Variants in RORA observed in about 807,000 individuals in gnomAD.
RORA encodes the protein nuclear receptor ROR-alpha.
A neutral mutation model predicts 69.5 loss-of-function variants in RORA; 7 were observed. The ratio of observed to expected loss-of-function variants is 0.10; its 90% CI spans 0.06 to 0.19. The LOEUF (loss-of-function observed/expected upper bound fraction) is 0.19, where lower values mean the gene tolerates loss of function less well. RORA is among the 10% of genes least tolerant of loss of function. RORA has a pLI of 1.00. For synonymous variants in RORA, 261 were observed against 240.8 expected (o/e 1.08, Z -0.78); for missense variants, 457 against 663.0 (o/e 0.69, Z 3.41).
intron 1 of RORA, among the ~76,000 whole-genome samples, chr15:60,883,354 A>G: frequency 6.6e-6 from 1 of 152,316 alleles, no homozygotes; most frequent in East Asian, 1.9e-4. Context: ...TTAAATATCT[A>G]AAATATGGCT....
intron 2 of RORA, among the ~76,000 whole-genome samples, chr15:60,542,265 T>C (rs963535743): frequency 4.4e-4 from 67 of 152,134 alleles, no homozygotes; most frequent in African/African-American, 1.5e-3. Context: ...GAGCTCAGAA[T>C]AGCAGGTCCT....
At chr15:60,563,122 G>A (rs1389349683) in intron 2 of RORA, among the ~76,000 whole-genome samples, 1 of 152,178 alleles carries the variant, frequency 6.6e-6, no homozygotes, top group Admixed American at 6.5e-5. Flanking sequence ...TGAACACGGA[G>A]TCAGTCTACC....
At chr15:60,977,241 G>C (rs979986698) in intron 1 of RORA, among the ~76,000 whole-genome samples, 1 of 152,070 alleles carries the variant, frequency 6.6e-6, no homozygotes, top group Non-Finnish European at 1.5e-5. Flanking sequence ...CTGGTGGGGA[G>C]GGGGTCGTAA....
At chr15:61,146,565 G>A (rs72739558) in intron 1 of RORA, among the ~76,000 whole-genome samples, 22,534 of 151,910 alleles carry the variant, frequency 0.15, 1,838 homozygotes, top group Non-Finnish European at 0.18. Context: ...TATGCTTTTT[G>A]TGCATTTACA....
intron 2 of RORA, among the ~76,000 whole-genome samples, chr15:60,538,988 A>G (rs1325616587): frequency 9.2e-6 from 1 of 108,236 alleles, no homozygotes; most frequent in African/African-American, 3.7e-5. Context: ...TGTTGAGTAT[A>G]CCTGCCAAAT....
chr15:61,224,486 G>C (rs1435842167), intron 1 of RORA, among the ~76,000 whole-genome samples: 1 of 152,188 alleles, frequency 6.6e-6, no homozygotes. Flanking sequence ...GAAAGGAAGA[G>C]TAAACTCAGA....
At chr15:60,859,347 G>A (rs1239562904) in intron 1 of RORA, among the ~76,000 whole-genome samples, 1 of 152,164 alleles carries the variant, frequency 6.6e-6, no homozygotes, top group East Asian at 1.9e-4. Flanking sequence ...GCAACTCAAA[G>A]TGTGGCTTAT....
intron 1 of RORA, among the ~76,000 whole-genome samples, chr15:60,999,230 T>A (rs17204770): frequency 1.3e-5 from 2 of 151,892 alleles, no homozygotes; most frequent in African/African-American, 2.4e-5. Context: ...AACATCCTCA[T>A]CGTTTGATAG....
At chr15:61,215,648 ATG>A (rs752061557) in intron 1 of RORA, among the ~76,000 whole-genome samples, 1 of 152,220 alleles carries the variant, frequency 6.6e-6, no homozygotes, top group Non-Finnish European at 1.5e-5. Flanking sequence ...GTATGTGTGC[ATG>A]TGTGTGTATA....
At chr15:60,665,800 T>A (rs1596108569) in intron 2 of RORA, among the ~76,000 whole-genome samples, 1 of 152,010 alleles carries the variant, frequency 6.6e-6, no homozygotes, top group Admixed American at 6.6e-5. Context: ...TCAGCCTCCC[T>A]AGTAGCTGAG....
At chr15:60,722,212 CA>C (rs2071302740) in intron 1 of RORA, among the ~76,000 whole-genome samples, 1 of 152,148 alleles carries the variant, frequency 6.6e-6, no homozygotes, top group Non-Finnish European at 1.5e-5. Context: ...AGAAGACTTC[CA>C]TGTGTTGTCA....
intron 1 of RORA, among the ~76,000 whole-genome samples, chr15:60,970,160 T>C (rs765622733): frequency 6.6e-6 from 1 of 152,198 alleles, no homozygotes; most frequent in Non-Finnish European, 1.5e-5. Flanking sequence ...CCTCCAGAAC[T>C]GTAAGAAATA....
At chr15:60,714,282 C>A (rs888973110) in intron 1 of RORA, among the ~76,000 whole-genome samples, 3 of 152,072 alleles carry the variant, frequency 2.0e-5, no homozygotes, top group South Asian at 4.1e-4. Context: ...TGGTCTCCAA[C>A]TCCTGACCCC....
intron 1 of RORA, among the ~76,000 whole-genome samples, chr15:61,195,660 A>C (rs1236991307): frequency 6.6e-6 from 1 of 151,978 alleles, no homozygotes; most frequent in Admixed American, 6.6e-5. Context: ...ACCTGTCCAA[A>C]TTTTCATCCT....
At chr15:60,866,056 C>T (rs2073483788) in intron 1 of RORA, among the ~76,000 whole-genome samples, 1 of 152,142 alleles carries the variant, frequency 6.6e-6, no homozygotes, top group African/African-American at 2.4e-5. Flanking sequence ...TAGGAACATT[C>T]CATTTCTCCT....
At chr15:61,217,992 T>C (rs1413947622) in intron 1 of RORA, among the ~76,000 whole-genome samples, 1 of 152,184 alleles carries the variant, frequency 6.6e-6, no homozygotes. Context: ...CCCCCACTGC[T>C]GGGCCATGGT....
intron 1 of RORA, among the ~76,000 whole-genome samples, chr15:60,682,645 T>C (rs1021682661): frequency 9.9e-5 from 15 of 152,138 alleles, no homozygotes; most frequent in African/African-American, 3.6e-4. Flanking sequence ...GGAAGCTGCC[T>C]ACTCACTAGC....
intron 1 of RORA, among the ~76,000 whole-genome samples, chr15:60,836,744 A>G (rs1379220968): frequency 1.3e-5 from 2 of 152,106 alleles, no homozygotes; most frequent in African/African-American, 4.8e-5. Flanking sequence ...GAGAATCTCT[A>G]CCATCAGCCC....
intron 1 of RORA, among the ~76,000 whole-genome samples, chr15:61,201,785 A>G (rs1175417701): frequency 6.6e-6 from 1 of 152,218 alleles, no homozygotes; most frequent in Non-Finnish European, 1.5e-5. Context: ...AAATAGAATG[A>G]GACCAATACA....
Sources: allele counts gnomAD v4.1 joint callset (sites outside exome capture counted in the v4.1 genomes callset), GRCh38; gene constraint gnomAD v4.1.1; transcripts MANE v1.5; gene names NCBI Gene and HGNC (gene_info 2026-07-23, HGNC 2026-07-21).